Variants in TSPEAR observed in about 807,000 individuals in gnomAD.
TSPEAR encodes thrombospondin type laminin G domain and EAR repeats, also known as thrombospondin-type laminin G domain and EAR repeat-containing protein.
In TSPEAR, 69 loss-of-function variants were observed where a neutral mutation model predicts 71.6. The observed-to-expected ratio is 0.96, with a 90% CI of 0.79 to 1.18. The LOEUF is 1.18. TSPEAR is among the 50% of genes most tolerant of loss of function. The pLI is 0.00. For missense variants in TSPEAR, 971 were observed against 894.9 expected (o/e 1.09, Z -1.09); for synonymous variants, 402 against 387.2 (o/e 1.04, Z -0.45).
chr21:44,531,278 G>A (rs587669405), intron 3 of TSPEAR, 145 bp from the exon 4 acceptor site: 9 of 650,566 alleles, frequency 1.4e-5, no homozygotes, highest in Admixed American at 1.1e-4. Context: ...AGGGCTGATC[G>A]CCTGCACAGC....
chr21:44,658,328 G>A (rs1255677969), intron 1 of TSPEAR: 8 of 1,533,618 alleles, frequency 5.2e-6, no homozygotes, highest in Non-Finnish European at 7.2e-6. Flanking sequence ...ATAAGCATCT[G>A]GTGGACCCCC....
Position 44,698,222 on chromosome 21 carries a change from G to A in TSPEAR, c.82+13211C>T, listed in dbSNP as rs1987477980. On this transcript the variant is annotated intron_variant, in intron 1 of 11. Coordinates refer to ENST00000323084, the MANE Select transcript of TSPEAR (RefSeq NM_144991.3). ...CTTGGAAGCTGCTGTGCCTCCTCTG[G>A]CCATTGTAGGACCATGCTTGGAAGT... Among the ~76,000 whole-genome samples, 4 of 152,124 alleles carry A rather than the reference G, an allele frequency of 2.6e-5. No individual in the cohort carries two copies. The South Asian group carries it at 8.3e-4, about 32-fold the overall frequency.
chr21:44,665,547 C>T (rs1223391466), intron 1 of TSPEAR, among the ~76,000 whole-genome samples: 1 of 152,168 alleles, frequency 6.6e-6, no homozygotes, highest in Non-Finnish European at 1.5e-5. Flanking sequence ...TTAGAAAACA[C>T]CCATTTCAGG....
intron 1 of TSPEAR, chr21:44,658,398 GAGA>G (rs1985296528): frequency 1.4e-5 from 13 of 898,758 alleles, no homozygotes; most frequent in Non-Finnish European, 2.0e-5. Context: ...ACTCTGGGGT[GAGA>G]ACGTGGAAAA....
Position 44,681,967 on chromosome 21 carries a change from AG to A in TSPEAR, c.82+29465del, listed in dbSNP as rs782247368. ...CTGCAGCTCACGGGCACGCACACAGAGGACTGGCATCTCACGGGCACACACA... is the reference window on the plus strand; with the variant it reads ...CTGCAGCTCACGGGCACGCACACAGAGACTGGCATCTCACGGGCACACACA... On this transcript the variant is annotated intron_variant, in intron 1 of 11. Transcript: ENST00000323084. 6 of 1,613,302 alleles carry A rather than the reference AG, an allele frequency of 3.7e-6. No homozygotes were observed. The East Asian group carries it at 1.3e-4, about 36-fold the overall frequency.
At chr21:44,584,584 T>C (rs1407649739) in intron 1 of TSPEAR, among the ~76,000 whole-genome samples, 2 of 152,228 alleles carry the variant, frequency 1.3e-5, no homozygotes, top group African/African-American at 4.8e-5. Context: ...TCTTTTTAAA[T>C]GGGATTGATT....
At chr21:44,684,620 A>G (rs115019324) in intron 1 of TSPEAR, among the ~76,000 whole-genome samples, 2,827 of 152,336 alleles carry the variant, frequency 0.019, 108 homozygotes, top group African/African-American at 0.065. Context: ...TGTGCGCTGC[A>G]GGCAACGTGG....
In TSPEAR at chr21:44,612,677, T is replaced by A. The variant is rs1555931460; in HGVS notation, c.83-44672A>T. 4 of 1,614,104 alleles carry A rather than the reference T, an allele frequency of 2.5e-6. No homozygotes were observed. The South Asian group carries it at 4.4e-5, about 18-fold the overall frequency. ...CTCTCTGTGCTGCCAGAAGTCTAGC[T>A]GCCAGCCGGCTTGCTGCACCACCTC... is the stretch of plus-strand genomic sequence containing the variant. On this transcript the variant is annotated intron_variant, in intron 1 of 11. Coordinates refer to ENST00000323084, the MANE Select transcript of TSPEAR (RefSeq NM_144991.3). The surrounding 1 kb of genome is among the most constrained non-coding windows in gnomAD (Gnocchi z 4.1).
rs587762251 is a variant in TSPEAR at position 44,558,591 on chromosome 21, C to G, written c.303+9194G>C. 171 of 1,611,754 alleles carry G rather than the reference C, an allele frequency of 1.1e-4. 1 individual carries two copies. The African/African-American group carries it at 1.4e-3, about 13-fold the overall frequency. On this transcript the variant is annotated intron_variant, in intron 2 of 11. Transcript: ENST00000323084. ...CACTGGGGTGCAGACCAGGGTCAGG[C>G]AGGGGGCCGGGGCGCAGCAGCTGGT...
chr21:44,677,558 T>C (rs940138139), intron 1 of TSPEAR: 2 of 884,882 alleles, frequency 2.3e-6, no homozygotes, highest in Non-Finnish European at 3.7e-6. Context: ...AAGATGAGGA[T>C]GCTTCTTCTG....
In TSPEAR at chr21:44,509,205, G is replaced by GT; in HGVS notation, c.1747dup (p.Thr583AsnfsTer111). ...GGCCTGTGGAGGCGCATACCTGCAG[G>GT]TGAGAATGTCCTGGAACTTGACAAA... On this transcript the variant is annotated frameshift_variant, in exon 10 of 12. Coordinates refer to ENST00000323084, the MANE Select transcript of TSPEAR (RefSeq NM_144991.3). LOFTEE classifies it high-confidence loss of function. 1 of 1,613,798 alleles carries GT rather than the reference G, an allele frequency of 6.2e-7. No individual in the cohort carries two copies. Among genetic ancestry groups the GT allele is most frequent in the Non-Finnish European group, 8.5e-7 (1 of 1,179,808 alleles).
chr21:44,645,242 T>G (rs587633250), intron 1 of TSPEAR, among the ~76,000 whole-genome samples: 1 of 152,192 alleles, frequency 6.6e-6, no homozygotes, highest in East Asian at 1.9e-4. Flanking sequence ...ACAAAGAGCC[T>G]CTGAGGGTGG....
chr21:44,521,135 G>T (rs1047170550), intron 9 of TSPEAR, among the ~76,000 whole-genome samples: 5 of 152,218 alleles, frequency 3.3e-5, no homozygotes, highest in African/African-American at 7.2e-5. Context: ...TGAGAGGCAC[G>T]CTTCCAGCAA....
intron 1 of TSPEAR, among the ~76,000 whole-genome samples, chr21:44,664,134 G>C (rs1555944250): frequency 6.6e-6 from 1 of 152,058 alleles, no homozygotes; most frequent in African/African-American, 2.4e-5. Context: ...AGCCTGGAAA[G>C]AAAGAAATAA....
At chr21:44,618,249 C>T (rs1273862305) in intron 1 of TSPEAR, among the ~76,000 whole-genome samples, 2 of 152,198 alleles carry the variant, frequency 1.3e-5, no homozygotes, top group African/African-American at 4.8e-5. Flanking sequence ...GTTTTCCCTG[C>T]TCTCACTTGC....
At chr21:44,530,789 T>C (rs1383040987) in intron 4 of TSPEAR, among the ~76,000 whole-genome samples, 1 of 151,726 alleles carries the variant, frequency 6.6e-6, no homozygotes, top group Non-Finnish European at 1.5e-5. Flanking sequence ...CAGGGCAGAG[T>C]GTGGGCATCA....
intron 2 of TSPEAR, chr21:44,539,416 A>T: frequency 1.2e-6 from 2 of 1,602,700 alleles, no homozygotes; most frequent in Non-Finnish European, 1.7e-6. Flanking sequence ...AGACAGGCAT[A>T]CAGCAGGCGG....
chr21:44,631,820 T>C (rs60939800), intron 1 of TSPEAR, among the ~76,000 whole-genome samples: 13,639 of 152,232 alleles, frequency 0.09, 824 homozygotes, highest in African/African-American at 0.16. Flanking sequence ...TTAACAGCAG[T>C]GTCAGAAGAA....
At chr21:44,547,263 T>C (rs2053316867) in intron 2 of TSPEAR, among the ~76,000 whole-genome samples, 1 of 152,248 alleles carries the variant, frequency 6.6e-6, no homozygotes, top group Admixed American at 6.5e-5. Flanking sequence ...ATTGATATTC[T>C]CTATTTGGTG....
Sources: allele counts gnomAD v4.1 joint callset (sites outside exome capture counted in the v4.1 genomes callset), GRCh38; gene constraint gnomAD v4.1.1; non-coding constraint Gnocchi (gnomAD v3.1); transcripts MANE v1.5; gene names NCBI Gene and HGNC (gene_info 2026-07-23, HGNC 2026-07-21).